SLC24A2: variants seen among roughly 807,000 people sequenced by gnomAD.
The protein encoded by SLC24A2 is solute carrier family 24 member 2.
In SLC24A2, 36 loss-of-function variants were observed where a neutral mutation model predicts 62.0. The observed-to-expected ratio is 0.58, with a 90% confidence interval of 0.44 to 0.77. The LOEUF is 0.77. Ranked by LOEUF, SLC24A2 falls within the 30% of genes least tolerant of loss-of-function variation. The pLI, the probability that SLC24A2 is intolerant of heterozygous loss-of-function variation, is 0.00. For missense variants in SLC24A2, 846 were observed against 817.9 expected, an observed-to-expected ratio of 1.03 and a Z score of -0.42; for synonymous variants, 358 against 294.0, an observed-to-expected ratio of 1.22 and a Z score of -2.23.
At chr9:19,619,843 CCT>C (rs1318630550) in intron 3 of SLC24A2, 151 bp from the exon 4 acceptor site, 15 of 698,346 alleles carry the variant, frequency 2.1e-5, no homozygotes, top group Non-Finnish European at 3.6e-5. Flanking sequence ...TTTCAAAGCC[CCT>C]GAGGGAATGG....
the SLC24A2 span, among the ~76,000 whole-genome samples, chr9:20,065,976 A>G: frequency 6.6e-6 from 1 of 152,278 alleles, no homozygotes; most frequent in South Asian, 2.1e-4. Context: ...AACAATCACA[A>G]CTATAAAGGC....
At chr9:20,185,992 T>C in the SLC24A2 span, among the ~76,000 whole-genome samples, 1 of 152,200 alleles carries the variant, frequency 6.6e-6, no homozygotes, top group African/African-American at 2.4e-5. Flanking sequence ...GTTCCTGGCC[T>C]CTTGGGGCTT....
the SLC24A2 span, among the ~76,000 whole-genome samples, chr9:20,300,756 C>T: frequency 1.3e-5 from 2 of 152,272 alleles, no homozygotes; most frequent in African/African-American, 4.8e-5. Flanking sequence ...TTAATTAATA[C>T]CTTCACAGAG....
intron 4 of SLC24A2, among the ~76,000 whole-genome samples, chr9:19,612,111 A>C (rs1439931608): frequency 6.6e-6 from 1 of 152,178 alleles, no homozygotes; most frequent in Non-Finnish European, 1.5e-5. Context: ...GAGAGAATTG[A>C]GTGAGATAAT....
At chr9:19,870,118 T>C in the SLC24A2 span, among the ~76,000 whole-genome samples, 1 of 152,178 alleles carries the variant, frequency 6.6e-6, no homozygotes, top group Non-Finnish European at 1.5e-5. Flanking sequence ...ACCACCCCTA[T>C]CTAGTTTTAG....
intron 2 of SLC24A2, among the ~76,000 whole-genome samples, chr9:19,730,890 T>A (rs1821315025): frequency 6.7e-6 from 1 of 149,042 alleles, no homozygotes; most frequent in Admixed American, 6.7e-5. Flanking sequence ...TTTTTTTTTT[T>A]ACCTTTGATA....
the SLC24A2 span, among the ~76,000 whole-genome samples, chr9:19,916,502 ACT>A: frequency 6.6e-6 from 1 of 152,060 alleles, no homozygotes; most frequent in Admixed American, 6.6e-5. Flanking sequence ...TTGTCAACTC[ACT>A]GTCAACATTT....
At chr9:19,899,479 A>G in the SLC24A2 span, among the ~76,000 whole-genome samples, 1 of 152,168 alleles carries the variant, frequency 6.6e-6, no homozygotes, top group Non-Finnish European at 1.5e-5. Context: ...CAACTATAAT[A>G]GCAAGCCTTG....
intron 2 of SLC24A2, among the ~76,000 whole-genome samples, chr9:19,707,701 A>G (rs1213161401): frequency 1.3e-5 from 2 of 152,246 alleles, no homozygotes; most frequent in East Asian, 1.9e-4. Flanking sequence ...ACAAAATTCA[A>G]CAACCCTTCA....
rs935619765 is a variant in SLC24A2 at position 19,520,820 on chromosome 9, G to C, written c.1736+74C>G. 9.7e-6 allele frequency: 14 copies of C among 1,438,826 alleles called. No individual in the cohort carries two copies. In the East Asian group the frequency reaches 1.8e-4, roughly 19 times the overall value. The allele number at this position is 1,438,826 out of a possible 1,614,324, so 89.1% of individuals were successfully genotyped here. A position where few individuals can be genotyped will look rare whatever the true frequency, so the allele number is the denominator to read the frequency against. ...TCTTAGGTTCAGAGATCCTGGTCAT[G>C]TCTTTCCAGCTTCTAAGAAGACAAA... is the stretch of plus-strand genomic sequence containing the variant. On this transcript the variant is annotated intron_variant, in intron 10 of 10. Transcript: ENST00000341998.
chr9:20,057,946 T>A, the SLC24A2 span, among the ~76,000 whole-genome samples: 1 of 152,186 alleles, frequency 6.6e-6, no homozygotes, highest in East Asian at 1.9e-4. Flanking sequence ...ATTCCCATGT[T>A]ATTTTCCATT....
chr9:19,823,297 T>TTG, the SLC24A2 span, among the ~76,000 whole-genome samples: 1,364 of 150,228 alleles, frequency 9.1e-3, 4 homozygotes, highest in Admixed American at 0.022. Context: ...TGTATTAACA[T>TTG]TGTGTGTGTG....
intron 2 of SLC24A2, among the ~76,000 whole-genome samples, chr9:19,709,573 C>T (rs1200888157): frequency 6.6e-6 from 1 of 151,634 alleles, no homozygotes; most frequent in African/African-American, 2.4e-5. Flanking sequence ...TACTATGCAG[C>T]CATAAAAAAT....
the SLC24A2 span, among the ~76,000 whole-genome samples, chr9:20,278,105 G>C: frequency 2.0e-5 from 3 of 152,056 alleles, no homozygotes; most frequent in Admixed American, 2.0e-4. Context: ...GGGAGGGGGA[G>C]GGATAGCATT....
At chr9:20,133,634 A>C in the SLC24A2 span, among the ~76,000 whole-genome samples, 1 of 152,196 alleles carries the variant, frequency 6.6e-6, no homozygotes, top group East Asian at 1.9e-4. Context: ...CTATCTTCTG[A>C]AAACACAAAA....
chr9:20,226,129 G>A, the SLC24A2 span, among the ~76,000 whole-genome samples: 6 of 152,106 alleles, frequency 3.9e-5, no homozygotes, highest in Non-Finnish European at 8.8e-5. Flanking sequence ...CTAGCTGTGG[G>A]TTGTTTCTTT....
the SLC24A2 span, among the ~76,000 whole-genome samples, chr9:20,111,247 C>T: frequency 6.6e-6 from 1 of 152,120 alleles, no homozygotes; most frequent in Non-Finnish European, 1.5e-5. Context: ...GACATATATT[C>T]CTATCCCTCA....
rs746557146 is a variant in SLC24A2 at position 19,786,203 on chromosome 9, T to G, written c.664A>C (p.Met222Leu). The G allele has an allele frequency of 3.7e-6, 6 of 1,614,088 alleles. No homozygotes were observed. The highest frequency in any genetic ancestry group is 5.1e-6 in the Non-Finnish European group (6 of 1,180,038). ...ATTTCTCTAGAAAACAGAGCACACA[T>G]GCCAATAACAAAGAGGATGTTGAAT... is the stretch of plus-strand genomic sequence containing the variant. ...AVFNILFVIG[M>L]CALFSREILN... The change falls in exon 2 of 11, where the codon ATG becomes CTG. Residue 222 changes from methionine to leucine, a missense_variant. Transcript: ENST00000341998. This position sits in a 1 kb window ranked among gnomAD's most constrained non-coding sequence, Gnocchi z 5.0.
chr9:20,174,647 T>C, the SLC24A2 span, among the ~76,000 whole-genome samples: 2 of 151,980 alleles, frequency 1.3e-5, no homozygotes, highest in African/African-American at 4.8e-5. Context: ...AAAACCACAA[T>C]GCAATACCGC....
Sources: allele counts gnomAD v4.1 joint callset (sites outside exome capture counted in the v4.1 genomes callset), GRCh38; gene constraint gnomAD v4.1.1; non-coding constraint Gnocchi (gnomAD v3.1); transcripts MANE v1.5; gene names NCBI Gene and HGNC (gene_info 2026-07-23, HGNC 2026-07-21).